RIC3: variants seen among roughly 807,000 people sequenced by gnomAD.
RIC3 encodes RIC3 acetylcholine receptor chaperone.
RIC3 carries 28 observed loss-of-function variants against 27.3 expected under a neutral mutation model. That is an observed-to-expected ratio of 1.02 (90% confidence interval 0.76 to 1.41). RIC3 has a LOEUF of 1.41. RIC3 is among the 40% of genes most tolerant of loss of function. RIC3 has a pLI of 0.00. For synonymous variants in RIC3, 184 were observed against 160.4 expected (o/e 1.15, Z -1.11); for missense variants, 501 against 444.7 (o/e 1.13, Z -1.14).
the RIC3 span, chr11:8,096,577 G>C: frequency 1.3e-6 from 1 of 762,960 alleles, no homozygotes; most frequent in East Asian, 2.4e-5. Flanking sequence ...ATAAGTTTGT[G>C]GGGGTACAGG....
the RIC3 span, chr11:8,100,777 T>C: frequency 1.6e-4 from 260 of 1,605,712 alleles, no homozygotes; most frequent in Non-Finnish European, 2.0e-4. Context: ...TCTGGGGTGG[T>C]CATGGTGCCA....
intron 4 of RIC3, among the ~76,000 whole-genome samples, chr11:8,133,239 C>T (rs771501556): frequency 6.6e-6 from 1 of 152,206 alleles, no homozygotes; most frequent in African/African-American, 2.4e-5. Context: ...CAGATACCTG[C>T]CTGTAAACCT....
chr11:8,167,640 T>TAAAAAAA (rs34530108), intron 1 of RIC3, among the ~76,000 whole-genome samples: 1 of 134,146 alleles, frequency 7.5e-6, no homozygotes, highest in Non-Finnish European at 1.6e-5. Flanking sequence ...TAATGGAAAG[T>TAAAAAAA]AAAAAAAAAA....
rs79358615 is a variant in RIC3, at chr11:8,152,442, T to C, written c.125-12249A>G. Among the ~76,000 whole-genome samples, 18 of 152,302 alleles carry C rather than the reference T, an allele frequency of 1.2e-4. No individual in the cohort carries two copies. In the East Asian group the frequency reaches 3.3e-3, roughly 28 times the overall value. ...CAACATGGATGAACTCCGAAAATAT[T>C]ATAAGTGAATACAGCCAGTCATGGA... is the stretch of plus-strand genomic sequence containing the variant. On this transcript the variant is annotated intron_variant, in intron 1 of 5. Transcript: ENST00000309737.
downstream of RIC3, chr11:8,105,771 T>G (rs909879510): frequency 6.6e-6 from 1 of 152,112 alleles, no homozygotes; most frequent in Non-Finnish European, 1.5e-5. Flanking sequence ...ATCACATCCC[T>G]CTCCTCTCCT....
chr11:8,110,622 C>A lies in RIC3; in HGVS notation c.*76G>T, dbSNP rs780439818. 7.5e-7 allele frequency: 1 copy of A among 1,324,986 alleles called. No homozygotes were observed. Among genetic ancestry groups the A allele is most frequent in the Non-Finnish European group, 1.1e-6 (1 of 921,346 alleles). 82.1% of individuals were successfully genotyped at this position (1,324,986 alleles called of 1,614,324 possible). ...AACACAGTGAAGAAAGTGCAGGGCA[C>A]AGGGCCAAGAAGGAAATCTGAGGAG... is the stretch of plus-strand genomic sequence containing the variant. On this transcript the variant is annotated 3_prime_UTR_variant, in exon 6 of 6. Transcript: ENST00000309737.
chr11:8,108,684 T>C lies in RIC3; in HGVS notation c.*2014A>G, dbSNP rs1308939105. ...CACGATCCTGAGCCCTCTTACAGGG[T>C]CATAGTTCATTTTATCTGTCAGGCT... On this transcript the variant is annotated 3_prime_UTR_variant, in exon 6 of 6. Coordinates refer to ENST00000309737, the MANE Select transcript of RIC3 (RefSeq NM_001206671.4). 1 of 152,296 alleles carries C rather than the reference T, an allele frequency of 6.6e-6. No homozygotes were observed. The highest frequency in any genetic ancestry group is 2.1e-4 in the South Asian group (1 of 4,820). The allele number at this position is 152,296 out of a possible 1,614,324, so 9.4% of individuals were successfully genotyped here.
intron 1 of RIC3, among the ~76,000 whole-genome samples, chr11:8,167,966 T>C (rs1951868887): frequency 6.6e-6 from 1 of 152,216 alleles, no homozygotes; most frequent in Admixed American, 6.5e-5. Flanking sequence ...ACAGTCAATG[T>C]GCATAAAGCA....
chr11:8,148,912 G>A (rs1296374896), intron 1 of RIC3, among the ~76,000 whole-genome samples: 1 of 151,712 alleles, frequency 6.6e-6, no homozygotes, highest in Non-Finnish European at 1.5e-5. Flanking sequence ...TGGGCGCAGT[G>A]GCTCACACCT....
intron 5 of RIC3, among the ~76,000 whole-genome samples, chr11:8,122,595 G>A (rs1946575430): frequency 6.6e-6 from 1 of 152,112 alleles, no homozygotes; most frequent in Admixed American, 6.5e-5. Flanking sequence ...AGTCATAAGA[G>A]TGCAAAGCTA....
chr11:8,111,141 G>C lies in RIC3; in HGVS notation c.671-4C>G. 1.9e-6 allele frequency: 3 copies of C among 1,564,390 alleles called. No individual in the cohort carries two copies. The South Asian group carries it at 3.5e-5, about 18-fold the overall frequency. ...GGGTAAGTCTCTTCAGGGTAACCTAGAGAGAAAAGTAGCACAAAGTATTAC... is the reference window on the plus strand; with the variant it reads ...GGGTAAGTCTCTTCAGGGTAACCTACAGAGAAAAGTAGCACAAAGTATTAC... On this transcript the variant is annotated splice_region_variant and splice_polypyrimidine_tract_variant and intron_variant, in intron 5 of 5. Transcript: ENST00000309737.
chr11:8,134,823 G>C (rs889072078), intron 4 of RIC3, among the ~76,000 whole-genome samples: 8 of 152,092 alleles, frequency 5.3e-5, no homozygotes, highest in Non-Finnish European at 1.2e-4. Context: ...TATATCCTTT[G>C]CCCGCTTGTT....
chr11:8,096,660 CCTT>C, the RIC3 span: 255 of 1,478,034 alleles, frequency 1.7e-4, 3 homozygotes, highest in African/African-American at 3.3e-4. Flanking sequence ...CTCCTTCATC[CCTT>C]CTTCTTCTCT....
Position 8,152,424 on chromosome 11 carries a change from G to A in RIC3, c.125-12231C>T, listed in dbSNP as rs572019175. Among the ~76,000 whole-genome samples the A allele has an allele frequency of 1.4e-3, 219 of 152,272 alleles. 1 individual carries two copies. The highest frequency in any genetic ancestry group is 2.5e-3 in the Non-Finnish European group (167 of 68,018). ...AAGTACTGATCCATACTACAACATG[G>A]ATGAACTCCGAAAATATTATAAGTG... On this transcript the variant is annotated intron_variant, in intron 1 of 5. Transcript: ENST00000309737.
At chr11:8,148,755 C>A (rs981219340) in intron 1 of RIC3, among the ~76,000 whole-genome samples, 15 of 152,070 alleles carry the variant, frequency 9.9e-5, no homozygotes, top group Admixed American at 5.2e-4. Context: ...TGGAACAATG[C>A]CTTCAAAACC....
chr11:8,106,781 T>A lies in RIC3; in HGVS notation c.*3917A>T, dbSNP rs1944712909. 6.6e-6 allele frequency: 1 copy of A among 152,236 alleles called. No homozygotes were observed. 9.4% of individuals were successfully genotyped at this position (152,236 alleles called of 1,614,324 possible). A position where few individuals can be genotyped will look rare whatever the true frequency, so the allele number is the denominator to read the frequency against. On this transcript the variant is annotated 3_prime_UTR_variant, in exon 6 of 6. Coordinates refer to ENST00000309737, the MANE Select transcript of RIC3 (RefSeq NM_001206671.4). Reference sequence around the variant, plus strand: ...GAAGCAGACATGAAAGCTAATGGTCTGACCCAGACAAGAGGTTATAACTAA... The same window carrying A: ...GAAGCAGACATGAAAGCTAATGGTCAGACCCAGACAAGAGGTTATAACTAA...
At chr11:8,094,254 T>C in the RIC3 span, 1 of 1,518,132 alleles carries the variant, frequency 6.6e-7, no homozygotes, top group South Asian at 1.3e-5. Flanking sequence ...CTGGGGAAGG[T>C]TTGTCCTCCT....
the RIC3 span, chr11:8,096,760 A>G: frequency 3.3e-5 from 53 of 1,613,996 alleles, no homozygotes; most frequent in Middle Eastern, 1.6e-4. Context: ...TCCCAGCTAA[A>G]TAGTAACACC....
chr11:8,137,802 T>C, intron 3 of RIC3, among the ~76,000 whole-genome samples: 1 of 141,830 alleles, frequency 7.1e-6, no homozygotes, highest in Non-Finnish European at 1.6e-5. Context: ...CTGACATACA[T>C]TCTAGTCTAT....
Sources: gnomAD v4.1 joint callset for allele counts (sites outside exome capture counted in the v4.1 genomes callset) on GRCh38, gnomAD v4.1.1 for gene constraint, MANE v1.5 for transcripts, NCBI Gene and HGNC (gene_info 2026-07-23, HGNC 2026-07-21) for gene names.